ZBTB40: variants seen among roughly 807,000 people sequenced by gnomAD.
ZBTB40 encodes zinc finger and BTB domain-containing protein 40.
In ZBTB40, 60 loss-of-function variants were observed where a neutral mutation model predicts 117.5. The ratio of observed to expected loss-of-function variants is 0.51; its 90% CI spans 0.41 to 0.63. ZBTB40 has a LOEUF of 0.63. ZBTB40 is among the 30% of genes least tolerant of loss of function. The pLI, the probability that ZBTB40 is intolerant of heterozygous loss-of-function variation, is 0.00. For synonymous variants in ZBTB40, 525 were observed against 577.1 expected (o/e 0.91, Z 1.29); for missense variants, 1,287 against 1,498.5 (o/e 0.86, Z 2.33).
intron 3 of ZBTB40, among the ~76,000 whole-genome samples, chr1:22,500,694 A>T (rs1266537935): frequency 6.6e-6 from 1 of 152,194 alleles, no homozygotes; most frequent in Non-Finnish European, 1.5e-5. Flanking sequence ...TGTTGTATAA[A>T]CGTTGGTTAG....
chr1:22,497,197 T>C (rs1452882634), intron 3 of ZBTB40, among the ~76,000 whole-genome samples: 1 of 152,248 alleles, frequency 6.6e-6, no homozygotes, highest in African/African-American at 2.4e-5. Context: ...TTTCTACTAT[T>C]GATTTCTGTG....
At chr1:22,439,585 G>A (rs1640709138) in intron 1 of ZBTB40, among the ~76,000 whole-genome samples, 1 of 152,176 alleles carries the variant, frequency 6.6e-6, no homozygotes, top group African/African-American at 2.4e-5. Context: ...TTGCTGAAAA[G>A]AAACTATTCT....
chr1:22,481,503 T>A (rs909838824), intron 1 of ZBTB40, among the ~76,000 whole-genome samples: 3 of 152,148 alleles, frequency 2.0e-5, no homozygotes. Flanking sequence ...CTGAAGTTTT[T>A]CTTTTTCTCT....
chr1:22,509,998 A>G (rs1170408596), intron 9 of ZBTB40, among the ~76,000 whole-genome samples: 2 of 152,256 alleles, frequency 1.3e-5, no homozygotes, highest in Non-Finnish European at 2.9e-5. Context: ...GAAAGAGCCA[A>G]GATAAACATA....
chr1:22,517,530 C>T, intron 13 of ZBTB40, 66 bp downstream of exon 13: 1 of 1,561,852 alleles, frequency 6.4e-7, no homozygotes, highest in South Asian at 1.2e-5. Flanking sequence ...GTGTCAATTG[C>T]AGCAGAGGTG....
chr1:22,454,932 C>T (rs1418933378), intron 1 of ZBTB40, among the ~76,000 whole-genome samples: 3 of 152,186 alleles, frequency 2.0e-5, no homozygotes, highest in Non-Finnish European at 4.4e-5. Flanking sequence ...TCCAGAAATA[C>T]ATTACAGACA....
intron 1 of ZBTB40, among the ~76,000 whole-genome samples, chr1:22,465,413 G>A (rs558388053): frequency 6.6e-5 from 10 of 152,138 alleles, no homozygotes; most frequent in South Asian, 2.1e-4. Context: ...GAGGAAGTGC[G>A]GTATGTGCCA....
At chr1:22,496,221 T>C (rs1316021200) in intron 3 of ZBTB40, among the ~76,000 whole-genome samples, 1 of 152,184 alleles carries the variant, frequency 6.6e-6, no homozygotes, top group Non-Finnish European at 1.5e-5. Flanking sequence ...TCCCCAGGGA[T>C]TGAGCGTGGC....
chr1:22,466,107 A>G (rs1641249009), intron 1 of ZBTB40, among the ~76,000 whole-genome samples: 1 of 152,220 alleles, frequency 6.6e-6, no homozygotes, highest in Admixed American at 6.5e-5. Context: ...TGGACATTTC[A>G]TATGAATGGA....
chr1:22,481,070 A>G (rs2124418037), intron 1 of ZBTB40, among the ~76,000 whole-genome samples: 1 of 152,146 alleles, frequency 6.6e-6, no homozygotes, highest in African/African-American at 2.4e-5. Flanking sequence ...CCATGGTCTC[A>G]ATTCCCACTT....
chr1:22,489,694 T>C (rs1638568783), intron 1 of ZBTB40, among the ~76,000 whole-genome samples, 186 bp from the exon 2 acceptor site: 1 of 152,246 alleles, frequency 6.6e-6, no homozygotes, highest in Non-Finnish European at 1.5e-5. Flanking sequence ...GTCTCTTTCA[T>C]ATATTTAAAC....
chr1:22,503,413 C>A lies in ZBTB40; in HGVS notation c.1167+972C>A, dbSNP rs1293547274. ...TGATTTCAACTTTGTGCTAAAAATA[C>A]TTTTATATCTGGAAGGAAGGAATAG... is the stretch of plus-strand genomic sequence containing the variant. On this transcript the variant is annotated intron_variant, in intron 5 of 17. Transcript: ENST00000375647. 9.3e-5 allele frequency among the ~76,000 whole-genome samples: 14 copies of A among 151,214 alleles called. No individual in the cohort carries two copies. In the Admixed American group the frequency reaches 9.3e-4, roughly 10 times the overall value.
chr1:22,474,865 T>C (rs1423339401), intron 1 of ZBTB40, among the ~76,000 whole-genome samples: 1 of 151,938 alleles, frequency 6.6e-6, no homozygotes, highest in Non-Finnish European at 1.5e-5. Context: ...CTTTCAGCTT[T>C]CTGGTTCCAG....
chr1:22,459,032 C>T (rs1641070119), intron 1 of ZBTB40, among the ~76,000 whole-genome samples: 1 of 152,134 alleles, frequency 6.6e-6, no homozygotes, highest in Non-Finnish European at 1.5e-5. Context: ...TGGGGTTTTG[C>T]CAATCTGTCA....
At chr1:22,433,442 A>AACAAAAACAAAAACAAAAAC (rs1557469777) in intron 1 of ZBTB40, among the ~76,000 whole-genome samples, 1 of 139,820 alleles carries the variant, frequency 7.2e-6, no homozygotes, top group African/African-American at 2.5e-5. Flanking sequence ...CAAAAAAAAA[A>AACAAAAACAAAAACAAAAAC]AAAAAAAAAA....
upstream of ZBTB40, among the ~76,000 whole-genome samples, chr1:22,447,996 A>G (rs1041036436): frequency 1.4e-4 from 21 of 152,234 alleles, no homozygotes; most frequent in African/African-American, 4.6e-4. Context: ...AAATAACACC[A>G]CTGCCTTGGG....
chr1:22,471,849 C>T (rs1379592383), intron 1 of ZBTB40, among the ~76,000 whole-genome samples: 1 of 152,170 alleles, frequency 6.6e-6, no homozygotes, highest in Non-Finnish European at 1.5e-5. Flanking sequence ...TACCACACAC[C>T]ACGTAGGCCC....
chr1:22,520,049 C>T lies in ZBTB40; in HGVS notation c.2834-12C>T, dbSNP rs763382640. On this transcript the variant is annotated splice_polypyrimidine_tract_variant and intron_variant, in intron 13 of 17. Transcript: ENST00000375647. ...TCCACCTCTTCCTCTCATGGATGTC[C>T]CGTGAAACTAGACATAGAAGATCCT... 2 of 1,612,316 alleles carry T rather than the reference C, an allele frequency of 1.2e-6. No individual in the cohort carries two copies. Among genetic ancestry groups the T allele is most frequent in the Admixed American group, 3.3e-5 (2 of 60,018 alleles).
rs4655069 is a variant in ZBTB40, at chr1:22,496,933, A to G, written c.832-4559A>G. 4.5e-4 allele frequency among the ~76,000 whole-genome samples: 69 copies of G among 152,284 alleles called. No individual in the cohort carries two copies. In the Middle Eastern group the frequency reaches 0.024, roughly 53 times the overall value. ...GATCAGTCCAAGTCCCAAAACCTCA[A>G]AAGTAGGGAAACCGGCAGTGCAGCC... On this transcript the variant is annotated intron_variant, in intron 3 of 17. Transcript: ENST00000375647.
Sources: allele counts gnomAD v4.1 joint callset (sites outside exome capture counted in the v4.1 genomes callset), GRCh38; gene constraint gnomAD v4.1.1; transcripts MANE v1.5; gene names NCBI Gene and HGNC (gene_info 2026-07-23, HGNC 2026-07-21).